Variants in SH2D3C observed in about 807,000 individuals in gnomAD.
SH2D3C encodes the protein SH2 domain-containing protein 3C.
SH2D3C carries 25 observed loss-of-function variants against 75.2 expected under a neutral mutation model. That is an observed-to-expected ratio of 0.33 (90% CI 0.24 to 0.46). The LOEUF (loss-of-function observed/expected upper bound fraction) is 0.46. Ranked by LOEUF, SH2D3C falls within the 20% of genes least tolerant of loss-of-function variation. The pLI is 1.00. For synonymous variants in SH2D3C, 450 were observed against 473.7 expected (o/e 0.95, Z 0.65); for missense variants, 933 against 1,165.3 (o/e 0.80, Z 2.90).
intron 3 of SH2D3C, chr9:127,755,069 GC>G: frequency 1.7e-6 from 2 of 1,191,316 alleles, no homozygotes; most frequent in Non-Finnish European, 1.0e-6. Context: ...GGGCCGAGCC[GC>G]CCCCTCACCT....
At chr9:127,762,653 C>T (rs1334941129) in intron 2 of SH2D3C, among the ~76,000 whole-genome samples, 1 of 152,224 alleles carries the variant, frequency 6.6e-6, no homozygotes, top group Non-Finnish European at 1.5e-5. Flanking sequence ...AAAGTGGGGC[C>T]ACCCTCGTGT....
intron 5 of SH2D3C, among the ~76,000 whole-genome samples, chr9:127,748,559 C>G (rs910923575): frequency 1.3e-5 from 2 of 152,206 alleles, no homozygotes; most frequent in Non-Finnish European, 2.9e-5. Flanking sequence ...CCCTCTAAGC[C>G]TATGTCCTCA....
intron 2 of SH2D3C, chr9:127,762,400 C>T (rs1162111199): frequency 4.1e-5 from 44 of 1,076,496 alleles, no homozygotes; most frequent in Non-Finnish European, 5.3e-5. Flanking sequence ...ACCTCCTGGA[C>T]GCCTCCCCTT....
chr9:127,771,448 C>G (rs1845738342), intron 2 of SH2D3C: 1 of 1,160,424 alleles, frequency 8.6e-7, no homozygotes, highest in East Asian at 3.2e-5. Context: ...CGAACACGGC[C>G]CTCCGCCTGC....
At chr9:127,763,016 T>A (rs1166202832) in intron 2 of SH2D3C, among the ~76,000 whole-genome samples, 1 of 152,162 alleles carries the variant, frequency 6.6e-6, no homozygotes, top group Non-Finnish European at 1.5e-5. Context: ...CTCCAGGCTG[T>A]CTCCCTTGCA....
Position 127,749,528 on chromosome 9 carries a change from T to C in SH2D3C, c.822A>G (p.Ala274=). 1 of 1,612,762 alleles carries C rather than the reference T, an allele frequency of 6.2e-7. No homozygotes were observed. The highest frequency in any genetic ancestry group is 8.5e-7 in the Non-Finnish European group (1 of 1,179,460). The part of the protein sequence containing the change: ...HFKINKVVVK[A]GESYTHIQYL... ...ACTGGATGTGTGTGTAGCTCTCGCC[T>C]GCCTTCACCACCACCTTGTTGATCT... Residue 274 remains alanine (A), a synonymous_variant, in exon 5 of 12, where the codon GCA becomes GCG. Coordinates refer to ENST00000314830, the MANE Select transcript of SH2D3C (RefSeq NM_170600.3). The surrounding 1 kb of genome is among the most constrained non-coding windows in gnomAD (Gnocchi z 5.9).
intron 3 of SH2D3C, among the ~76,000 whole-genome samples, chr9:127,759,399 A>G (rs1335828378): frequency 6.6e-6 from 1 of 152,076 alleles, no homozygotes; most frequent in Non-Finnish European, 1.5e-5. Flanking sequence ...TATTTTTAGT[A>G]GAGATAGGAT....
intron 3 of SH2D3C, among the ~76,000 whole-genome samples, chr9:127,753,766 G>A (rs140384597): frequency 6.6e-6 from 1 of 152,352 alleles, no homozygotes; most frequent in Admixed American, 6.5e-5. Context: ...CAAGACCTCA[G>A]CCTTCTGGCG....
At chr9:127,773,684 G>A (rs922901537) in intron 2 of SH2D3C, among the ~76,000 whole-genome samples, 3 of 152,050 alleles carry the variant, frequency 2.0e-5, no homozygotes, top group Non-Finnish European at 4.4e-5. Context: ...TTGGGAGGCC[G>A]AGGCAGGCAG....
rs1214177564 is a variant in SH2D3C, at chr9:127,738,917, G to T, written c.2412C>A (p.Phe804Leu). The T allele has an allele frequency of 1.3e-6, 2 of 1,575,290 alleles. No homozygotes were observed. The highest frequency in any genetic ancestry group is 2.3e-5 in the South Asian group (2 of 86,000). The change falls in exon 12 of 12, where the codon TTC becomes TTA. Residue 804 changes from phenylalanine (F) to leucine (L), a missense_variant. Physicochemically the swap from Phe to Leu is conservative, Grantham distance 22 (BLOSUM62 0). Coordinates refer to ENST00000314830, the MANE Select transcript of SH2D3C (RefSeq NM_170600.3). This position sits in a 1 kb window ranked among gnomAD's most constrained non-coding sequence, Gnocchi z 5.0. ...CCTCCAGGAGCTCCGGCCGGGCCTG[G>T]AACCCTGCAGTGTTGGGGCATAGGG... The part of the protein sequence containing the change: ...HTNAEVKLQG[F>L]QARPELLEVF...
intron 6 of SH2D3C, 83 bp from the exon 7 acceptor site, chr9:127,745,182 C>T (rs936721285): frequency 1.7e-6 from 2 of 1,181,802 alleles, no homozygotes; most frequent in Non-Finnish European, 2.3e-6. Flanking sequence ...AAAGAACAGG[C>T]TCCCTCACTC....
At position 127,739,567 on chromosome 9, in the gene SH2D3C, G is replaced by T. The variant is rs1199877286; in HGVS notation, c.2407+115C>A. 1 of 890,622 alleles carries T rather than the reference G, an allele frequency of 1.1e-6. No homozygotes were observed. Among genetic ancestry groups the T allele is most frequent in the Non-Finnish European group, 1.7e-6 (1 of 580,574 alleles). The allele number at this position is 890,622 out of a possible 1,614,324, so 55.2% of individuals were successfully genotyped here. ...GAGAGGAAGGGGTCAGGGAGACAGGGCAGGACAGAGGAGTGGAGAAATGTG... is the reference window on the plus strand; with the variant it reads ...GAGAGGAAGGGGTCAGGGAGACAGGTCAGGACAGAGGAGTGGAGAAATGTG... On this transcript the variant is annotated intron_variant, in intron 11 of 11. Transcript: ENST00000314830. The surrounding 1 kb of genome is among the most constrained non-coding windows in gnomAD (Gnocchi z 4.3).
At position 127,771,515 on chromosome 9, in the gene SH2D3C, A is replaced by G. The variant is rs1025520414; in HGVS notation, c.515+2475T>C. The G allele has an allele frequency of 1.9e-5, 10 of 518,534 alleles. No individual in the cohort carries two copies. The African/African-American group carries it at 2.0e-4, about 10-fold the overall frequency. The allele number at this position is 518,534 out of a possible 1,614,324, so 32.1% of individuals were successfully genotyped here. On this transcript the variant is annotated intron_variant, in intron 2 of 11. Coordinates refer to ENST00000314830, the MANE Select transcript of SH2D3C (RefSeq NM_170600.3). The stretch of plus-strand genomic sequence containing the variant: ...TGTCGGGAAGGCCTCGCCCCCTAGC[A>G]CACCCCTCCGCCTCGCCCGCCCGGC...
At position 127,744,945 on chromosome 9, in the gene SH2D3C, G is replaced by A. The variant is rs1236827578; in HGVS notation, c.1419C>T (p.His473=). 1 of 1,579,460 alleles carries A rather than the reference G, an allele frequency of 6.3e-7. No individual in the cohort carries two copies. Among genetic ancestry groups the A allele is most frequent in the South Asian group, 1.2e-5 (1 of 85,934 alleles). ...SDKGPHTSPS[H]TLGKASPSPS... ...GTGACGGGGAGGCCTTGCCAAGGGT[G>A]TGGGAGGGGCTGGTGTGGGGGCCCT... Residue 473 remains histidine (H), a synonymous_variant, in exon 7 of 12, where the codon CAC becomes CAT. Transcript: ENST00000314830.
chr9:127,755,572 G>A (rs1161858543), intron 3 of SH2D3C, among the ~76,000 whole-genome samples: 4 of 152,226 alleles, frequency 2.6e-5, no homozygotes, highest in Admixed American at 2.6e-4. Context: ...CCGGGAGCGG[G>A]CAGAGACTTT....
intron 1 of SH2D3C, among the ~76,000 whole-genome samples, chr9:127,775,179 AGAT>A (rs948557755): frequency 5.9e-5 from 9 of 152,124 alleles, no homozygotes; most frequent in Non-Finnish European, 1.2e-4. Flanking sequence ...GAATTAGCAA[AGAT>A]GATGATGATG....
intron 3 of SH2D3C, among the ~76,000 whole-genome samples, chr9:127,759,026 C>T (rs1845462092): frequency 6.6e-6 from 1 of 152,238 alleles, no homozygotes; most frequent in South Asian, 2.1e-4. Context: ...GTCGCCCACT[C>T]ACGGCCACGG....
intron 9 of SH2D3C, among the ~76,000 whole-genome samples, chr9:127,740,738 T>A (rs1408004222): frequency 6.6e-6 from 1 of 152,256 alleles, no homozygotes; most frequent in Non-Finnish European, 1.5e-5. Flanking sequence ...TGGAGTGCAG[T>A]GGCGCAATCT....
intron 2 of SH2D3C, chr9:127,771,069 A>T (rs1845727043): frequency 2.8e-6 from 2 of 722,872 alleles, no homozygotes; most frequent in Non-Finnish European, 4.4e-6. Flanking sequence ...TGGCTTAGAA[A>T]AGTCCCTGAT....
Sources: gnomAD v4.1 joint callset for allele counts (sites outside exome capture counted in the v4.1 genomes callset) on GRCh38, gnomAD v4.1.1 for gene constraint, Gnocchi (gnomAD v3.1) non-coding constraint, MANE v1.5 for transcripts, NCBI Gene and HGNC (gene_info 2026-07-23, HGNC 2026-07-21) for gene names.